The following EIF4A3 variants were observed in gnomAD, a reference collection of about 807,000 sequenced individuals.
EIF4A3 encodes eukaryotic translation initiation factor 4A3.
EIF4A3 carries 1 observed loss-of-function variant against 55.6 expected under a neutral mutation model. The observed-to-expected ratio is 0.02, with a 90% CI of 0.01 to 0.09. EIF4A3 has a LOEUF of 0.09. Among genes scored for constraint, EIF4A3 ranks in the 10% least tolerant of loss-of-function variants. The probability of loss-of-function intolerance (pLI) is 1.00; values close to 1 mark genes in which losing one functional copy is unlikely to be tolerated. For missense variants in EIF4A3, 221 were observed against 540.7 expected (o/e 0.41, Z 5.86); for synonymous variants, 194 against 196.3 (o/e 0.99, Z 0.10).
At chr17:80,141,502 T>C (rs2039618789) in intron 3 of EIF4A3, 121 bp from the exon 4 acceptor site, 2 of 1,072,044 alleles carry the variant, frequency 1.9e-6, no homozygotes, top group Non-Finnish European at 2.7e-6. Context: ...TCTCATCTCT[T>C]ACAGGTTAGC....
At chr17:80,145,449 A>C (rs1434571663) in intron 1 of EIF4A3, among the ~76,000 whole-genome samples, 1 of 152,110 alleles carries the variant, frequency 6.6e-6, no homozygotes, top group Non-Finnish European at 1.5e-5. Flanking sequence ...CTATAATCCC[A>C]GCTACTCGGG....
At position 80,135,304 on chromosome 17, in the gene EIF4A3, A is replaced by G; in HGVS notation, c.*186T>C. 1 of 577,796 alleles carries G rather than the reference A, an allele frequency of 1.7e-6. No individual in the cohort carries two copies. The highest frequency in any genetic ancestry group is 3.3e-5 in the South Asian group (1 of 30,624). The allele number at this position is 577,796 out of a possible 1,614,324, so 35.8% of individuals were successfully genotyped here. ...TAATGAAAAAGACTTAGAACAATGT[A>G]TTATTTACATGTAAATAAGAAAAGA... On this transcript the variant is annotated 3_prime_UTR_variant, in exon 12 of 12. Transcript: ENST00000649764.
In EIF4A3 at chr17:80,134,995, CA is replaced by C. The variant is rs553398440; in HGVS notation, c.*494del. Among the ~76,000 whole-genome samples the C allele has an allele frequency of 6.6e-5, 10 of 151,376 alleles. No individual in the cohort carries two copies. The highest frequency in any genetic ancestry group is 2.4e-4 in the African/African-American group (10 of 41,218). ...TGAAACCCCGTCTCTACTGAAAATACAAAAAAATTAGCCTGGCATGGTGGCG... is the reference window on the plus strand; with the variant it reads ...TGAAACCCCGTCTCTACTGAAAATACAAAAAATTAGCCTGGCATGGTGGCG... On this transcript the variant is annotated 3_prime_UTR_variant, in exon 12 of 12. Coordinates refer to ENST00000649764, the MANE Select transcript of EIF4A3 (RefSeq NM_014740.4).
At position 80,139,062 on chromosome 17, in the gene EIF4A3, G is replaced by C; in HGVS notation, c.687C>G (p.Thr229=). 1 of 1,614,086 alleles carries C rather than the reference G, an allele frequency of 6.2e-7. No homozygotes were observed. The highest frequency in any genetic ancestry group is 8.5e-7 in the Non-Finnish European group (1 of 1,180,030). Residue 229 remains threonine, a synonymous_variant, in exon 7 of 12, where the codon ACC becomes ACG. Coordinates refer to ENST00000649764, the MANE Select transcript of EIF4A3 (RefSeq NM_014740.4). ...GGATTGGGTCGGTCATGAACTTGTTGGTCATCTCCAGAATCTCGTGTGGCA... is the reference window on the plus strand; with the variant it reads ...GGATTGGGTCGGTCATGAACTTGTTCGTCATCTCCAGAATCTCGTGTGGCA... ...ATLPHEILEM[T]NKFMTDPIRI...
In EIF4A3 at chr17:80,147,058, G is replaced by GACCTCGCTGTGCCGCTGCCC; in HGVS notation, c.-98_-97insGGGCAGCGGCACAGCGAGGT. The GACCTCGCTGTGCCGCTGCCC allele has an allele frequency of 3.0e-6, 4 of 1,334,326 alleles. No individual in the cohort carries two copies. In the South Asian group the frequency reaches 6.1e-5, roughly 20 times the overall value. 82.7% of individuals were successfully genotyped at this position (1,334,326 alleles called of 1,614,324 possible). A position where few individuals can be genotyped will look rare whatever the true frequency, so the allele number is the denominator to read the frequency against. ...CGCTGCCGACCTCGCTGCCGCTGCC[G>GACCTCGCTGTGCCGCTGCCC]ACCTCGCTGTGCCGCTGCCGACCTC... On this transcript the variant is annotated 5_prime_UTR_variant, in exon 1 of 12. Transcript: ENST00000649764.
In EIF4A3 at chr17:80,135,288, A is replaced by G. The variant is rs767779903; in HGVS notation, c.*202T>C. ...AAAAGTTTTAAATTTTTAATGAAAA[A>G]GACTTAGAACAATGTATTATTTACA... On this transcript the variant is annotated 3_prime_UTR_variant, in exon 12 of 12. Coordinates refer to ENST00000649764, the MANE Select transcript of EIF4A3 (RefSeq NM_014740.4). The G allele has an allele frequency of 4.0e-6, 2 of 498,110 alleles. No individual in the cohort carries two copies. The highest frequency in any genetic ancestry group is 6.8e-6 in the Non-Finnish European group (2 of 293,116). The allele number at this position is 498,110 out of a possible 1,614,324, so 30.9% of individuals were successfully genotyped here.
intron 9 of EIF4A3, chr17:80,136,827 A>AAAT (rs869287944): frequency 6.8e-6 from 1 of 147,756 alleles, no homozygotes. Context: ...AAAAAAAAAA[A>AAAT]TTAGCCATTC....
At chr17:80,138,737 T>TAG in intron 7 of EIF4A3, 1 of 398,272 alleles carries the variant, frequency 2.5e-6, no homozygotes, top group Non-Finnish European at 4.6e-6. Flanking sequence ...GCTGGGACTA[T>TAG]AGGCATGTGC....
chr17:80,141,615 A>G (rs1366287401), intron 3 of EIF4A3, 167 bp downstream of exon 3: 8 of 726,916 alleles, frequency 1.1e-5, no homozygotes, highest in Non-Finnish European at 1.6e-5. Flanking sequence ...TCATGACAGA[A>G]TATTAGTGCA....
At chr17:80,139,834 A>G (rs1358273863) in intron 5 of EIF4A3, 84 bp from the exon 6 acceptor site, 1 of 1,509,226 alleles carries the variant, frequency 6.6e-7, no homozygotes, top group Admixed American at 1.9e-5. Flanking sequence ...CCCAAGAAAG[A>G]GCTCATCATT....
chr17:80,137,403 C>T lies in EIF4A3; in HGVS notation c.966G>A (p.Glu322=). The T allele has an allele frequency of 6.2e-6, 10 of 1,613,892 alleles. No individual in the cohort carries two copies. The highest frequency in any genetic ancestry group is 8.5e-6 in the Non-Finnish European group (10 of 1,179,920). The change falls in exon 9 of 12, where the codon GAG becomes GAA. Residue 322 remains glutamate, a synonymous_variant. Coordinates refer to ENST00000649764, the MANE Select transcript of EIF4A3 (RefSeq NM_014740.4). ...AGACCCACCTGGCGCCCGACCGGAA[C>T]TCCTTCATGATGGACTCCCGCTCTT... The part of the protein sequence containing the change: ...PQKERESIMK[E]FRSGASRVLI...
chr17:80,138,348 C>T, intron 7 of EIF4A3, 68 bp from the exon 8 acceptor site: 1 of 1,586,934 alleles, frequency 6.3e-7, no homozygotes. Context: ...TGGGCCAAGC[C>T]AGGATCCAGG....
intron 6 of EIF4A3, chr17:80,139,447 C>A: frequency 1.6e-6 from 1 of 610,524 alleles, no homozygotes; most frequent in Non-Finnish European, 2.8e-6. Flanking sequence ...TCCTAGATAC[C>A]AAATAAAAAG....
chr17:80,134,826 T>C lies in EIF4A3; in HGVS notation c.*664A>G, dbSNP rs746643992. Among the ~76,000 whole-genome samples the C allele has an allele frequency of 4.0e-5, 6 of 151,634 alleles. No individual in the cohort carries two copies. Among genetic ancestry groups the C allele is most frequent in the Non-Finnish European group, 5.9e-5 (4 of 67,936 alleles). Reference sequence around the variant, plus strand: ...GCAGCAGAGCAAAACTCATCAACGATGAAACTCTTTCCAAAAAAAAAGATT... The same window carrying C: ...GCAGCAGAGCAAAACTCATCAACGACGAAACTCTTTCCAAAAAAAAAGATT... On this transcript the variant is annotated 3_prime_UTR_variant, in exon 12 of 12. Coordinates refer to ENST00000649764, the MANE Select transcript of EIF4A3 (RefSeq NM_014740.4).
intron 11 of EIF4A3, 26 bp downstream of exon 11, chr17:80,135,978 T>A (rs371730239): frequency 3.7e-6 from 6 of 1,607,534 alleles, no homozygotes; most frequent in East Asian, 4.5e-5. Context: ...CCTCTACAAT[T>A]ACAGTAGAGC....
chr17:80,146,888 T>C lies in EIF4A3; in HGVS notation c.74A>G (p.Lys25Arg), dbSNP rs1167145572. 7.4e-6 allele frequency: 12 copies of C among 1,611,492 alleles called. No individual in the cohort carries two copies. Among genetic ancestry groups the C allele is most frequent in the Non-Finnish European group, 8.5e-6 (10 of 1,179,100 alleles). The change falls in exon 1 of 12, where the codon AAA (lysine) becomes AGA (arginine). Residue 25 changes from lysine (K) to arginine (R), a missense_variant. Lys to Arg is a conservative substitution (Grantham distance 26). Transcript: ENST00000649764. Reference protein sequence around the residue: ...KRLLKEEDMTKVEFETSEEVD... With the variant: ...KRLLKEEDMTRVEFETSEEVD... Reference sequence around the variant, plus strand: ...CTCCTCGCTGGTCTCGAATTCCACTTTAGTCATGTCTTCCTCTTTGAGCAG... The same window carrying C: ...CTCCTCGCTGGTCTCGAATTCCACTCTAGTCATGTCTTCCTCTTTGAGCAG...
In EIF4A3 at chr17:80,135,043, G is replaced by A. The variant is rs932183201; in HGVS notation, c.*447C>T. 3.3e-5 allele frequency among the ~76,000 whole-genome samples: 5 copies of A among 151,664 alleles called. No homozygotes were observed. Among genetic ancestry groups the A allele is most frequent in the Admixed American group, 1.3e-4 (2 of 15,218 alleles). On this transcript the variant is annotated 3_prime_UTR_variant, in exon 12 of 12. Transcript: ENST00000649764. ...GGCGGCCGCCTGTACTCCCAGCTAC[G>A]TGGGAGGCTGAGGTAGGAGAATGGC...
chr17:80,141,592 G>A, intron 3 of EIF4A3, 190 bp downstream of exon 3: 1 of 727,804 alleles, frequency 1.4e-6, no homozygotes, highest in East Asian at 2.7e-5. Context: ...GCTTCCTCTA[G>A]TTAAATAGAA....
intron 4 of EIF4A3, 56 bp downstream of exon 4, chr17:80,141,263 C>A: frequency 1.3e-6 from 2 of 1,528,892 alleles, no homozygotes; most frequent in African/African-American, 1.4e-5. Context: ...TGTTTCACAA[C>A]TAAATCACAA....
Sources: allele counts gnomAD v4.1 joint callset (sites outside exome capture counted in the v4.1 genomes callset), GRCh38; gene constraint gnomAD v4.1.1; transcripts MANE v1.5; gene names NCBI Gene and HGNC (gene_info 2026-07-23, HGNC 2026-07-21).